SLC25A21: variants seen among roughly 807,000 people sequenced by gnomAD.
SLC25A21 encodes the protein mitochondrial 2-oxodicarboxylate carrier.
SLC25A21 carries 47 observed loss-of-function variants against 43.8 expected under a neutral mutation model. That is an observed-to-expected ratio of 1.07 (90% CI 0.85 to 1.37). The LOEUF (loss-of-function observed/expected upper bound fraction) is 1.37. SLC25A21 is among the 40% of genes most tolerant of loss of function. The pLI is 0.00. For synonymous variants in SLC25A21, 131 were observed against 121.3 expected (o/e 1.08, Z -0.52); for missense variants, 352 against 350.2 (o/e 1.00, Z -0.04).
chr14:36,796,395 CTCTT>C (rs1377152474), intron 3 of SLC25A21, among the ~76,000 whole-genome samples: 19 of 150,396 alleles, frequency 1.3e-4, no homozygotes, highest in Admixed American at 3.3e-4. Context: ...CTCTTTCTTT[CTCTT>C]TCTTTCTTTC....
At chr14:36,913,377 C>T (rs1020246666) in intron 1 of SLC25A21, among the ~76,000 whole-genome samples, 3 of 152,278 alleles carry the variant, frequency 2.0e-5, no homozygotes, top group Admixed American at 6.5e-5. Flanking sequence ...CAACCTCCGC[C>T]TCTTGGGCTC....
chr14:36,815,724 A>G (rs1319729832), intron 2 of SLC25A21, among the ~76,000 whole-genome samples: 1 of 152,066 alleles, frequency 6.6e-6, no homozygotes, highest in East Asian at 1.9e-4. Context: ...GTTTGTTTCT[A>G]AAGAGGTTTA....
chr14:36,771,753 A>AT (rs967412741), intron 3 of SLC25A21, among the ~76,000 whole-genome samples: 4 of 113,866 alleles, frequency 3.5e-5, no homozygotes, highest in Non-Finnish European at 7.1e-5. Flanking sequence ...AGCAAGAAAC[A>AT]TAAAAAAAAA....
intron 1 of SLC25A21, among the ~76,000 whole-genome samples, chr14:36,925,857 CA>C (rs1892118009): frequency 1.3e-5 from 2 of 151,842 alleles, no homozygotes; most frequent in South Asian, 4.2e-4. Context: ...AAAACAAAAA[CA>C]AAAACAAAAC....
chr14:36,836,426 T>C (rs1242602474), intron 2 of SLC25A21, among the ~76,000 whole-genome samples: 2 of 152,250 alleles, frequency 1.3e-5, no homozygotes, highest in Non-Finnish European at 2.9e-5. Flanking sequence ...TTTTATAAAT[T>C]CAAGGTTTTT....
At chr14:36,992,706 T>C (rs17105876) in intron 1 of SLC25A21, among the ~76,000 whole-genome samples, 11,569 of 152,232 alleles carry the variant, frequency 0.076, 1,460 homozygotes, top group African/African-American at 0.26. Flanking sequence ...TGTTTTGCCA[T>C]AGATTTAAGG....
chr14:36,982,769 G>A (rs1960058118), intron 1 of SLC25A21, among the ~76,000 whole-genome samples: 1 of 151,960 alleles, frequency 6.6e-6, no homozygotes, highest in Non-Finnish European at 1.5e-5. Context: ...AGCCAAAACG[G>A]CGACACTGCA....
At chr14:37,167,173 G>A (rs1432286755) in intron 1 of SLC25A21, among the ~76,000 whole-genome samples, 1 of 152,112 alleles carries the variant, frequency 6.6e-6, no homozygotes, top group Non-Finnish European at 1.5e-5. Flanking sequence ...CATATAACAG[G>A]GAGTATGAAA....
intron 1 of SLC25A21, among the ~76,000 whole-genome samples, chr14:37,125,858 G>A (rs1177334990): frequency 6.6e-6 from 1 of 152,148 alleles, no homozygotes; most frequent in Admixed American, 6.5e-5. Context: ...TCATTGTACT[G>A]AGTAAGTGTC....
intron 1 of SLC25A21, among the ~76,000 whole-genome samples, chr14:37,135,220 G>A (rs756700943): frequency 5.9e-5 from 9 of 151,984 alleles, no homozygotes; most frequent in South Asian, 4.2e-4. Context: ...AAGCCACCAC[G>A]CCTGGGCCTC....
At chr14:36,736,288 A>G (rs1265144468) in intron 3 of SLC25A21, among the ~76,000 whole-genome samples, 1 of 152,136 alleles carries the variant, frequency 6.6e-6, no homozygotes, top group Non-Finnish European at 1.5e-5. Flanking sequence ...TAGGAAGTAA[A>G]GCAGATACAT....
intron 3 of SLC25A21, among the ~76,000 whole-genome samples, chr14:36,788,354 C>T (rs1447716745): frequency 2.0e-5 from 3 of 151,686 alleles, no homozygotes; most frequent in Non-Finnish European, 4.4e-5. Flanking sequence ...GGGCTCTGAT[C>T]GAAGGCATTA....
intron 1 of SLC25A21, among the ~76,000 whole-genome samples, chr14:37,027,488 G>GTTTTC (rs1961117855): frequency 6.6e-6 from 1 of 152,082 alleles, no homozygotes. Context: ...TTTTTTAAGG[G>GTTTTC]CAGTGGGAAG....
intron 6 of SLC25A21, among the ~76,000 whole-genome samples, chr14:36,717,444 T>C (rs1884189210): frequency 6.6e-6 from 1 of 152,226 alleles, no homozygotes; most frequent in Non-Finnish European, 1.5e-5. Flanking sequence ...GAGAAGAATT[T>C]GCTGTCAAAA....
Position 36,680,694 on chromosome 14 carries a change from A to G in SLC25A21, c.864T>C (p.Tyr288=), listed in dbSNP as rs765738087. 6.2e-7 allele frequency: 1 copy of G among 1,613,404 alleles called. No individual in the cohort carries two copies. The highest frequency in any genetic ancestry group is 8.5e-7 in the Non-Finnish European group (1 of 1,179,664). ...GPGGAVMLLV[Y]EYTYSWLQEN... is the part of the protein sequence containing the mutation. ...CTTGAAGCCATGAATAGGTGTATTCATAAACCAGCAGCATCACTGCACCAC... is the reference window on the plus strand; with the variant it reads ...CTTGAAGCCATGAATAGGTGTATTCGTAAACCAGCAGCATCACTGCACCAC... The change falls in exon 10 of 10, where the codon TAT becomes TAC. Residue 288 remains tyrosine (Y), a synonymous_variant. Transcript: ENST00000331299.
At chr14:37,038,776 C>A (rs757068436) in intron 1 of SLC25A21, among the ~76,000 whole-genome samples, 2 of 152,104 alleles carry the variant, frequency 1.3e-5, no homozygotes, top group African/African-American at 4.8e-5. Context: ...AAGGGACTAG[C>A]GAGTATCTTC....
At chr14:37,067,669 A>T (rs762105110) in intron 1 of SLC25A21, among the ~76,000 whole-genome samples, 14 of 152,228 alleles carry the variant, frequency 9.2e-5, no homozygotes, top group Non-Finnish European at 1.6e-4. Context: ...GGCAGAAAAT[A>T]GTCTAGTGTG....
intron 1 of SLC25A21, among the ~76,000 whole-genome samples, chr14:37,063,620 G>T (rs1961998817): frequency 6.6e-6 from 1 of 152,020 alleles, no homozygotes; most frequent in African/African-American, 2.4e-5. Flanking sequence ...TAGTTACCGT[G>T]GATTTGTGAG....
At chr14:36,911,702 A>G (rs79114109) in intron 1 of SLC25A21, among the ~76,000 whole-genome samples, 8,045 of 152,168 alleles carry the variant, frequency 0.053, 330 homozygotes, top group Middle Eastern at 0.14. Context: ...TGGCCACTGA[A>G]GCCCCAGCCA....
Sources: gnomAD v4.1 joint callset for allele counts (sites outside exome capture counted in the v4.1 genomes callset) on GRCh38, gnomAD v4.1.1 for gene constraint, MANE v1.5 for transcripts, NCBI Gene and HGNC (gene_info 2026-07-23, HGNC 2026-07-21) for gene names.